Variants in FBN1 observed in about 807,000 individuals in gnomAD.
FBN1 encodes fibrillin 1.
In FBN1, 29 loss-of-function variants were observed where a neutral mutation model predicts 365.1. That is an observed-to-expected ratio of 0.08 (90% CI 0.06 to 0.11). The LOEUF is 0.11. FBN1 is among the 10% of genes least tolerant of loss of function. The pLI, the probability that FBN1 is intolerant of heterozygous loss-of-function variation, is 1.00. For missense variants in FBN1, 2,476 were observed against 3,703.2 expected (o/e 0.67, Z 8.60); for synonymous variants, 1,210 against 1,270.5 (o/e 0.95, Z 1.01).
chr15:48,601,705 T>C (rs2044569310), intron 4 of FBN1, among the ~76,000 whole-genome samples: 2 of 152,186 alleles, frequency 1.3e-5, no homozygotes, highest in South Asian at 4.1e-4. Context: ...ACAATTTTTA[T>C]AAGGAGCTAC....
intron 2 of FBN1, among the ~76,000 whole-genome samples, chr15:48,626,769 A>G (rs1889890960): frequency 6.6e-6 from 1 of 152,090 alleles, no homozygotes; most frequent in African/African-American, 2.4e-5. Context: ...AAACATTTAG[A>G]TATGTGGAAA....
rs191473723 is a variant in FBN1, at chr15:48,513,262, T to C, written c.1588+287A>G. On this transcript the variant is annotated intron_variant, in intron 13 of 65. Transcript: ENST00000316623. ...TGTCATAAAGGACAATTCCACTCTC[T>C]ACTTCTCAGATGAAAACTTAAGAGG... Among the ~76,000 whole-genome samples, 7 of 152,346 alleles carry C rather than the reference T, an allele frequency of 4.6e-5. No homozygotes were observed. In the East Asian group the frequency reaches 1.3e-3, roughly 29 times the overall value.
intron 60 of FBN1, among the ~76,000 whole-genome samples, chr15:48,422,828 G>A (rs1341504864): frequency 6.6e-6 from 1 of 152,054 alleles, no homozygotes; most frequent in Non-Finnish European, 1.5e-5. Flanking sequence ...GTGTGGTGGT[G>A]TGTGCATGTA....
intron 10 of FBN1, 148 bp from the exon 11 acceptor site, chr15:48,516,510 C>T: frequency 1.2e-6 from 1 of 814,556 alleles, no homozygotes; most frequent in Admixed American, 2.3e-5. Context: ...AGAAAAAGAA[C>T]CAACTGACTG....
chr15:48,460,032 C>A (rs958245174), intron 43 of FBN1, among the ~76,000 whole-genome samples: 1 of 152,206 alleles, frequency 6.6e-6, no homozygotes, highest in African/African-American at 2.4e-5. Context: ...GCTTTCCAAT[C>A]CCCTTAATCA....
intron 50 of FBN1, among the ~76,000 whole-genome samples, chr15:48,438,742 T>C (rs779597287): frequency 4.8e-4 from 73 of 152,194 alleles, no homozygotes; most frequent in Non-Finnish European, 1.0e-4. Context: ...GAAGATGGGA[T>C]CTACTTCCTA....
rs1597591684 is a variant in FBN1, at chr15:48,534,156, G to A, written c.786C>T (p.Cys262=). 2 of 1,613,310 alleles carry A rather than the reference G, an allele frequency of 1.2e-6. No homozygotes were observed. Among genetic ancestry groups the A allele is most frequent in the Non-Finnish European group, 1.7e-6 (2 of 1,179,858 alleles). The change falls in exon 8 of 66, where the codon TGC becomes TGT. Residue 262 remains cysteine, a synonymous_variant. Coordinates refer to ENST00000316623, the MANE Select transcript of FBN1 (RefSeq NM_000138.5). ...ACTCAAAAGACCCAACAGTATTAAT[G>A]CAATTTCCTCCCTGACAGAGCCCGG... ...AIPGLCQGGN[C]INTVGSFECK...
chr15:48,463,792 C>A (rs893641304), intron 41 of FBN1, 107 bp downstream of exon 41: 80 of 1,233,310 alleles, frequency 6.5e-5, no homozygotes, highest in Middle Eastern at 3.7e-4. Context: ...GGGATGCCAG[C>A]ACTCAGTCTG....
intron 6 of FBN1, among the ~76,000 whole-genome samples, chr15:48,558,391 C>T (rs1214382487): frequency 6.6e-6 from 1 of 152,096 alleles, no homozygotes; most frequent in South Asian, 2.1e-4. Flanking sequence ...AGACCTATTC[C>T]AAGCCAGGAT....
chr15:48,441,320 T>A (rs2043113100), intron 50 of FBN1, among the ~76,000 whole-genome samples: 1 of 152,188 alleles, frequency 6.6e-6, no homozygotes, highest in South Asian at 2.1e-4. Flanking sequence ...GCAAATGGGT[T>A]AATGTGCAGT....
In FBN1 at chr15:48,495,148, T is replaced by C; in HGVS notation, c.2652A>G (p.Gly884=). The part of the protein sequence containing the change: ...QCCSSLGAAW[G]SPCTLCQVDP... ...CAACTTGGCATAGGGTGCACGGGCT[T>C]CCCCACGCAGCACCGAGGGAGGAGC... The change falls in exon 22 of 66, where the codon GGA becomes GGG. Residue 884 remains glycine (G), a synonymous_variant. Transcript: ENST00000316623. The C allele has an allele frequency of 2.5e-6, 4 of 1,614,126 alleles. No individual in the cohort carries two copies. Among genetic ancestry groups the C allele is most frequent in the Non-Finnish European group, 3.4e-6 (4 of 1,180,020 alleles).
chr15:48,436,902 TACTGTATAGCTTAATTTTTAATTTGTAA>T, intron 53 of FBN1, 31 bp downstream of exon 53: 2 of 1,035,358 alleles, frequency 1.9e-6, no homozygotes, highest in Non-Finnish European at 3.1e-6. Context: ...ATACAGTGAA[TACTGTATAGCTTAATTTTTAATTTGTAA>T]AGTTCCTATG....
intron 2 of FBN1, among the ~76,000 whole-genome samples, chr15:48,633,263 G>A (rs1890022065): frequency 6.6e-6 from 1 of 152,182 alleles, no homozygotes; most frequent in South Asian, 2.1e-4. Context: ...ATGATATGGA[G>A]GAAAACACAA....
At chr15:48,482,342 T>C (rs962894886) in intron 31 of FBN1, among the ~76,000 whole-genome samples, 4 of 152,188 alleles carry the variant, frequency 2.6e-5, no homozygotes, top group Admixed American at 1.3e-4. Flanking sequence ...CTCTTGCTTC[T>C]GGCCAAGATA....
At chr15:48,572,137 C>T (rs752690249) in intron 6 of FBN1, among the ~76,000 whole-genome samples, 14 of 152,062 alleles carry the variant, frequency 9.2e-5, no homozygotes, top group Non-Finnish European at 1.9e-4. Context: ...TTTCTCTGCA[C>T]TTTTCTAAAT....
chr15:48,595,376 G>A (rs1028514462), intron 6 of FBN1, among the ~76,000 whole-genome samples: 36 of 152,254 alleles, frequency 2.4e-4, no homozygotes, highest in African/African-American at 7.7e-4. Flanking sequence ...AAAAGTTCAT[G>A]CAAATTTTCA....
At chr15:48,431,969 T>C (rs1167194155) in intron 55 of FBN1, among the ~76,000 whole-genome samples, 1 of 152,206 alleles carries the variant, frequency 6.6e-6, no homozygotes, top group East Asian at 1.9e-4. Context: ...TGACATTATT[T>C]TTATATGATA....
intron 17 of FBN1, among the ~76,000 whole-genome samples, chr15:48,499,749 A>G (rs550843359): frequency 6.6e-6 from 1 of 152,348 alleles, no homozygotes; most frequent in Admixed American, 6.5e-5. Context: ...AATACTTAAC[A>G]TAAGAGTGAA....
In FBN1 at chr15:48,443,612, G is replaced by C. The variant is rs115235428; in HGVS notation, c.6037+929C>G. 5.5e-3 allele frequency among the ~76,000 whole-genome samples: 839 copies of C among 152,158 alleles called. 9 individuals are homozygous for C. The highest frequency in any genetic ancestry group is 0.019 in the African/African-American group (800 of 41,492). Reference sequence around the variant, plus strand: ...ATATATAATAAAATTTCTAATTGACGATATTAAAAGTAGAGAAAATTCTCA... The same window carrying C: ...ATATATAATAAAATTTCTAATTGACCATATTAAAAGTAGAGAAAATTCTCA... On this transcript the variant is annotated intron_variant, in intron 49 of 65. Coordinates refer to ENST00000316623, the MANE Select transcript of FBN1 (RefSeq NM_000138.5).
Sources: allele counts gnomAD v4.1 joint callset (sites outside exome capture counted in the v4.1 genomes callset), GRCh38; gene constraint gnomAD v4.1.1; transcripts MANE v1.5; gene names NCBI Gene and HGNC (gene_info 2026-07-23, HGNC 2026-07-21).